The following CHPT1 variants were observed in gnomAD, a reference collection of about 807,000 sequenced individuals.
CHPT1 encodes the protein choline phosphotransferase 1.
In CHPT1, 36 loss-of-function variants were observed where a neutral mutation model predicts 47.6. The ratio of observed to expected loss-of-function variants is 0.76; its 90% CI spans 0.58 to 1.00. CHPT1 has a LOEUF of 1.00. CHPT1 is among the 50% of genes least tolerant of loss of function. CHPT1 has a pLI of 0.00. For synonymous variants in CHPT1, 194 were observed against 186.3 expected, an observed-to-expected ratio of 1.04 and a Z score of -0.33; for missense variants, 458 against 498.1, an observed-to-expected ratio of 0.92 and a Z score of 0.77.
At chr12:101,710,114 G>A (rs1951685919) in intron 1 of CHPT1, among the ~76,000 whole-genome samples, 1 of 149,092 alleles carries the variant, frequency 6.7e-6, no homozygotes, top group Non-Finnish European at 1.5e-5. Context: ...GGAGGCTGAG[G>A]CAGGTGGATC....
intron 1 of CHPT1, among the ~76,000 whole-genome samples, chr12:101,700,069 CAT>C (rs1343482961): frequency 3.3e-5 from 5 of 152,130 alleles, no homozygotes; most frequent in Non-Finnish European, 7.4e-5. Context: ...TATCAGACAA[CAT>C]CCTGAAAACA....
rs1952062694 is a variant in CHPT1 at position 101,729,037 on chromosome 12, C to G, written c.*92C>G. On this transcript the variant is annotated 3_prime_UTR_variant, in exon 9 of 9. Coordinates refer to ENST00000229266, the MANE Select transcript of CHPT1 (RefSeq NM_020244.3). ...TTTAATTTTTATTTAAGTGTTATACCTATTTCAGCAAATAAAATATTTCAT... is the reference window on the plus strand; with the variant it reads ...TTTAATTTTTATTTAAGTGTTATACGTATTTCAGCAAATAAAATATTTCAT... 1.2e-6 allele frequency: 2 copies of G among 1,609,430 alleles called. No homozygotes were observed. The highest frequency in any genetic ancestry group is 8.5e-7 in the Non-Finnish European group (1 of 1,176,484).
intron 1 of CHPT1, among the ~76,000 whole-genome samples, chr12:101,710,716 C>T (rs967745006): frequency 1.3e-5 from 2 of 148,716 alleles, no homozygotes; most frequent in African/African-American, 4.9e-5. Context: ...TAATACCTGA[C>T]CATGAGACCT....
chr12:101,706,387 C>T (rs2137004491), intron 1 of CHPT1, among the ~76,000 whole-genome samples: 1 of 151,964 alleles, frequency 6.6e-6, no homozygotes, highest in Non-Finnish European at 1.5e-5. Context: ...GAATACGTGT[C>T]TCATGCCCAT....
In CHPT1 at chr12:101,723,230, C is replaced by T. The variant is rs767229639; in HGVS notation, c.843C>T (p.Ile281=). 1.2e-6 allele frequency: 2 copies of T among 1,611,272 alleles called. No homozygotes were observed. Among genetic ancestry groups the T allele is most frequent in the African/African-American group, 2.7e-5 (2 of 74,918 alleles). Residue 281 remains isoleucine (I), a synonymous_variant, in exon 6 of 9, where the codon ATC becomes ATT. Transcript: ENST00000229266. ...IGLIIILAIM[I]YKKSATDVFE... ...TAATTATTATACTGGCAATAATGAT[C>T]TATAAAAAGTCAGCAACTGATGTGT...
chr12:101,716,355 G>T (rs1395256426), intron 3 of CHPT1, among the ~76,000 whole-genome samples: 2 of 152,056 alleles, frequency 1.3e-5, no homozygotes, highest in Non-Finnish European at 2.9e-5. Flanking sequence ...TCATATGGTT[G>T]TTTTTATTAT....
chr12:101,728,237 G>A (rs1952018541), intron 8 of CHPT1: 1 of 152,228 alleles, frequency 6.6e-6, no homozygotes, highest in Non-Finnish European at 1.5e-5. Context: ...GTGACAGAGT[G>A]AGACTCCATC....
intron 1 of CHPT1, among the ~76,000 whole-genome samples, chr12:101,710,732 T>C (rs1289350828): frequency 2.0e-5 from 3 of 148,946 alleles, no homozygotes; most frequent in Non-Finnish European, 4.5e-5. Context: ...GACCTGCCTG[T>C]AGCTAGTTTC....
rs1456923406 is a variant in CHPT1, at chr12:101,714,572, T to C, written c.490T>C (p.Ser164Pro). Residue 164 changes from serine (S) to proline (P), a missense_variant, in exon 3 of 9, where the codon TCT becomes CCT. By Grantham distance (74) the Ser-to-Pro change is moderately conservative. Transcript: ENST00000229266. ...GTYPDWFFFC[S>P]FIGMFVFYCA... is the part of the protein sequence containing the mutation. ...TTATCCTGACTGGTTTTTTTTCTGC[T>C]CTTTTATTGGGATGTTTGTGTTTTA... 6.2e-6 allele frequency: 10 copies of C among 1,613,176 alleles called. No individual in the cohort carries two copies. Among genetic ancestry groups the C allele is most frequent in the Non-Finnish European group, 8.5e-6 (10 of 1,179,600 alleles).
chr12:101,711,936 T>C (rs568684978), intron 1 of CHPT1, among the ~76,000 whole-genome samples: 2 of 149,292 alleles, frequency 1.3e-5, no homozygotes, highest in South Asian at 2.1e-4. Context: ...TGATGACTGC[T>C]TAGTTTTGTT....
At chr12:101,713,829 G>A (rs1225212919) in intron 1 of CHPT1, among the ~76,000 whole-genome samples, 1 of 152,104 alleles carries the variant, frequency 6.6e-6, no homozygotes. Context: ...AGCCATGGAT[G>A]TAAGAATCAA....
At chr12:101,712,072 G>T (rs765780208) in intron 1 of CHPT1, among the ~76,000 whole-genome samples, 5 of 148,222 alleles carry the variant, frequency 3.4e-5, no homozygotes, top group Non-Finnish European at 7.5e-5. Flanking sequence ...ACCCAGGCTG[G>T]AGTACAGTGG....
chr12:101,718,229 A>C (rs528076409), intron 4 of CHPT1, among the ~76,000 whole-genome samples: 1 of 152,352 alleles, frequency 6.6e-6, no homozygotes, highest in East Asian at 1.9e-4. Flanking sequence ...CATAGCACAC[A>C]GAATGTGTAA....
intron 1 of CHPT1, among the ~76,000 whole-genome samples, chr12:101,700,107 G>T (rs1413176051): frequency 5.3e-5 from 8 of 152,122 alleles, no homozygotes; most frequent in African/African-American, 1.9e-4. Flanking sequence ...TTTTGATTGG[G>T]TCCAGATTTA....
At chr12:101,714,349 G>T (rs1027596913) in intron 2 of CHPT1, 112 bp downstream of exon 2, 168 of 1,192,280 alleles carry the variant, frequency 1.4e-4, no homozygotes, top group South Asian at 5.0e-4. Flanking sequence ...GTATGGAGTT[G>T]TTTAAAAAGT....
chr12:101,698,284 TG>T, intron 1 of CHPT1, 150 bp downstream of exon 1: 2 of 1,162,882 alleles, frequency 1.7e-6, no homozygotes, highest in Middle Eastern at 3.1e-4. Flanking sequence ...GTGTCCGCCC[TG>T]GGCCGCCTGG....
Position 101,697,782 on chromosome 12 carries a change from G to C in CHPT1, c.-80G>C, listed in dbSNP as rs1951483440. 6.5e-6 allele frequency: 3 copies of C among 461,358 alleles called. No individual in the cohort carries two copies. The highest frequency in any genetic ancestry group is 6.4e-5 in the African/African-American group (3 of 47,036). 28.6% of individuals were successfully genotyped at this position (461,358 alleles called of 1,614,324 possible). On this transcript the variant is annotated 5_prime_UTR_variant, in exon 1 of 9. Coordinates refer to ENST00000229266, the MANE Select transcript of CHPT1 (RefSeq NM_020244.3). ...CGGCAGTCGCAGGACCCGGCCGCCA[G>C]CCTCTCCCTCCACCTCTCCCTGCCC...
At chr12:101,716,926 T>A (rs1040538123) in intron 4 of CHPT1, 114 bp downstream of exon 4, 7 of 574,922 alleles carry the variant, frequency 1.2e-5, no homozygotes, top group African/African-American at 3.9e-5. Flanking sequence ...TTTTTTTTTT[T>A]AATTGGTGTA....
chr12:101,716,479 G>A (rs1951764863), intron 3 of CHPT1, among the ~76,000 whole-genome samples: 1 of 152,096 alleles, frequency 6.6e-6, no homozygotes, highest in South Asian at 2.1e-4. Context: ...ATAACTATTA[G>A]CAATTTGATA....
Sources: allele counts gnomAD v4.1 joint callset (sites outside exome capture counted in the v4.1 genomes callset), GRCh38; gene constraint gnomAD v4.1.1; transcripts MANE v1.5; gene names NCBI Gene and HGNC (gene_info 2026-07-23, HGNC 2026-07-21).